The following DCAKD variants were observed in gnomAD, a reference collection of about 807,000 sequenced individuals.
DCAKD encodes the protein dephospho-CoA kinase domain-containing protein.
DCAKD carries 15 observed loss-of-function variants against 18.7 expected under a neutral mutation model. The observed-to-expected ratio is 0.80, with a 90% confidence interval of 0.54 to 1.24. The LOEUF (loss-of-function observed/expected upper bound fraction) is 1.24, where lower values mean the gene tolerates loss of function less well. Among genes scored for constraint, DCAKD ranks in the 50% most tolerant of loss-of-function variants. DCAKD has a pLI of 0.00. For synonymous variants in DCAKD, 130 were observed against 133.0 expected (o/e 0.98, Z 0.16); for missense variants, 301 against 322.0 (o/e 0.93, Z 0.50).
intron 1 of DCAKD, among the ~76,000 whole-genome samples, chr17:45,043,176 A>C (rs187806972): frequency 1.3e-5 from 2 of 152,028 alleles, no homozygotes; most frequent in East Asian, 3.9e-4. Flanking sequence ...TTTGCGCTTG[A>C]ACCTGGGAGG....
intron 1 of DCAKD, among the ~76,000 whole-genome samples, chr17:45,040,739 T>C (rs1317658024): frequency 6.6e-6 from 1 of 152,150 alleles, no homozygotes; most frequent in Non-Finnish European, 1.5e-5. Flanking sequence ...GGAGTTTGGG[T>C]TAGAGCTGGT....
intron 1 of DCAKD, among the ~76,000 whole-genome samples, chr17:45,059,497 G>A (rs529801330): frequency 3.9e-5 from 6 of 152,178 alleles, no homozygotes; most frequent in Admixed American, 1.3e-4. Flanking sequence ...ATGTCTTTGG[G>A]CACTTAGGCG....
intron 1 of DCAKD, among the ~76,000 whole-genome samples, chr17:45,044,380 G>A (rs1180393534): frequency 6.6e-6 from 1 of 152,174 alleles, no homozygotes; most frequent in East Asian, 1.9e-4. Context: ...TCTGGAACTG[G>A]CTGGAATCAC....
At chr17:45,058,757 C>CG (rs1355924855) in intron 1 of DCAKD, among the ~76,000 whole-genome samples, 1 of 151,932 alleles carries the variant, frequency 6.6e-6, no homozygotes, top group East Asian at 1.9e-4. Context: ...TCTGACCCCC[C>CG]CCTTCCCTGC....
upstream of DCAKD, among the ~76,000 whole-genome samples, chr17:45,055,390 AT>A (rs1555602809): frequency 9.2e-6 from 1 of 108,652 alleles, no homozygotes; most frequent in Non-Finnish European, 2.0e-5. Context: ...TTATTTATTT[AT>A]TTTTGAGACA....
Position 45,030,118 on chromosome 17 carries a change from G to A in DCAKD, c.378C>T (p.Tyr126=). Residue 126 remains tyrosine, a synonymous_variant, in exon 4 of 5, where the codon TAC becomes TAT. Coordinates refer to ENST00000651974, the MANE Select transcript of DCAKD (RefSeq NM_001288655.2). The stretch of plus-strand genomic sequence containing the variant: ...AGTATACTACCACGGTGTGCTTCAT[G>A]TACTTGAGCAACTTCTTGGTCTCAA... ...LLFETKKLLK[Y]MKHTVVVYCD... 3 of 1,614,128 alleles carry A rather than the reference G, an allele frequency of 1.9e-6. No individual in the cohort carries two copies. Among genetic ancestry groups the A allele is most frequent in the East Asian group, 2.2e-5 (1 of 44,880 alleles).
chr17:45,051,699 A>ACGGG (rs1444485442), upstream of DCAKD: 3 of 115,368 alleles, frequency 2.6e-5, no homozygotes, highest in East Asian at 3.2e-4. Flanking sequence ...GAGAGGTTGG[A>ACGGG]CGGGCGGGGC....
chr17:45,027,396 C>T (rs1444758103), intron 4 of DCAKD, among the ~76,000 whole-genome samples: 1 of 152,220 alleles, frequency 6.6e-6, no homozygotes, highest in Admixed American at 6.5e-5. Context: ...TAAGTAATTT[C>T]AAATGCACCA....
chr17:45,024,593 G>A lies in DCAKD; in HGVS notation c.536C>T (p.Ser179Leu), dbSNP rs774640583. The part of the protein sequence containing the change: ...ARMARHVLDN[S>L]GEWSVTKRQV... ...GCGTTTGGTGACACTCCACTCGCCC[G>A]AGTTGTCTAGGACATGGCGGGCCAT... Residue 179 changes from serine (S) to leucine (L), a missense_variant, in exon 5 of 5, where the codon TCG becomes TTG. Transcript: ENST00000651974. 17 of 1,614,076 alleles carry A rather than the reference G, an allele frequency of 1.1e-5. No individual in the cohort carries two copies. Among genetic ancestry groups the A allele is most frequent in the African/African-American group, 2.7e-5 (2 of 74,938 alleles).
chr17:45,031,768 A>T (rs773603225), intron 3 of DCAKD: 3 of 985,408 alleles, frequency 3.0e-6, no homozygotes, highest in Non-Finnish European at 3.6e-6. Flanking sequence ...CTCCTGTCTG[A>T]TAAGCTCTGC....
intron 3 of DCAKD, chr17:45,031,365 G>GC (rs1002984833): frequency 6.1e-6 from 6 of 983,654 alleles, no homozygotes; most frequent in Non-Finnish European, 7.2e-6. Context: ...TTGGTTGGTA[G>GC]CCCCCCCACC....
rs763741406 is a variant in DCAKD, at chr17:45,024,158, G to A, written c.*275C>T. On this transcript the variant is annotated 3_prime_UTR_variant, in exon 5 of 5. Transcript: ENST00000651974. The stretch of plus-strand genomic sequence containing the variant: ...GACTGTTGCTTTCACACACCATCAC[G>A]GTTGCTGTTCTGTAGGTGCTGCTCA... 194 of 427,434 alleles carry A rather than the reference G, an allele frequency of 4.5e-4. No homozygotes were observed. The highest frequency in any genetic ancestry group is 2.1e-4 in the Non-Finnish European group (50 of 234,714). The allele number at this position is 427,434 out of a possible 1,614,324, so 26.5% of individuals were successfully genotyped here. A position where few individuals can be genotyped will look rare whatever the true frequency, so the allele number is the denominator to read the frequency against.
chr17:45,044,276 C>A (rs925597707), intron 1 of DCAKD, among the ~76,000 whole-genome samples: 2 of 152,114 alleles, frequency 1.3e-5, no homozygotes, highest in Non-Finnish European at 2.9e-5. Flanking sequence ...AGACAAGGCT[C>A]TTCCCCAGAG....
chr17:45,051,616 G>A lies in DCAKD; in HGVS notation c.-370C>T, dbSNP rs1244515398. 3 of 151,020 alleles carry A rather than the reference G, an allele frequency of 2.0e-5. No individual in the cohort carries two copies. The highest frequency in any genetic ancestry group is 3.0e-5 in the Non-Finnish European group (2 of 67,758). 9.4% of individuals were successfully genotyped at this position (151,020 alleles called of 1,614,324 possible). ...CCAATCTCCGCAGCGCTTACAGGCC[G>A]GCTCAGCGGGCGAGGCGGGACCTCG... On this transcript the variant is annotated 5_prime_UTR_variant, in exon 1 of 5. Coordinates refer to ENST00000651974, the MANE Select transcript of DCAKD (RefSeq NM_001288655.2).
intron 1 of DCAKD, among the ~76,000 whole-genome samples, chr17:45,050,193 A>G (rs2053661649): frequency 6.6e-6 from 1 of 151,660 alleles, no homozygotes; most frequent in African/African-American, 2.4e-5. Context: ...GGCATGCACC[A>G]CCATGTCCGG....
At chr17:45,037,576 A>C (rs1428606141) in intron 1 of DCAKD, among the ~76,000 whole-genome samples, 1 of 151,552 alleles carries the variant, frequency 6.6e-6, no homozygotes, top group East Asian at 1.9e-4. Flanking sequence ...CTCCTGCCTC[A>C]GACTCCCAAG....
chr17:45,027,770 A>G (rs1425292883), intron 4 of DCAKD, among the ~76,000 whole-genome samples: 1 of 152,040 alleles, frequency 6.6e-6, no homozygotes, highest in South Asian at 2.1e-4. Context: ...GGTAGATCAC[A>G]AGGTCAGGAG....
chr17:45,045,926 A>G (rs1032947737), intron 1 of DCAKD, among the ~76,000 whole-genome samples: 1 of 151,840 alleles, frequency 6.6e-6, no homozygotes, highest in African/African-American at 2.4e-5. Context: ...CCTGGGTTAA[A>G]GCGATTCTCC....
At chr17:45,030,865 A>T in intron 3 of DCAKD, 1 of 562,782 alleles carries the variant, frequency 1.8e-6, no homozygotes, top group Non-Finnish European at 2.3e-6. Context: ...AAACTGTATT[A>T]CACTCCTGCA....
Sources: allele counts gnomAD v4.1 joint callset (sites outside exome capture counted in the v4.1 genomes callset), GRCh38; gene constraint gnomAD v4.1.1; transcripts MANE v1.5; gene names NCBI Gene and HGNC (gene_info 2026-07-23, HGNC 2026-07-21).